Variants in SYNE1 observed in about 807,000 individuals in gnomAD.
SYNE1 encodes the protein nesprin-1.
Under a neutral mutation model 1,111.0 loss-of-function variants are expected in SYNE1, and 616 were observed. That is an observed-to-expected ratio of 0.55 (90% CI 0.52 to 0.59). SYNE1 has a LOEUF of 0.59. SYNE1 is among the 20% of genes least tolerant of loss of function. The pLI is 0.00. For synonymous variants in SYNE1, 3,855 were observed against 3,825.8 expected, an observed-to-expected ratio of 1.01 and a Z score of -0.28; for missense variants, 10,006 against 10,417.0, an observed-to-expected ratio of 0.96 and a Z score of 1.72.
intron 59 of SYNE1, among the ~76,000 whole-genome samples, chr6:152,369,982 CAAA>C (rs778013525): frequency 1.8e-4 from 9 of 49,980 alleles, no homozygotes; most frequent in African/African-American, 4.2e-4. Context: ...GACTCTGTCT[CAAA>C]AAAAAAAAAA....
In SYNE1 at chr6:152,593,510, A is replaced by G. The variant is rs571645576; in HGVS notation, c.67+34755T>C. ...GGCAGGAGAATGGCGTGAATCCGGG[A>G]GGCAGAGCTTATAGTGAGCTGAGAT... On this transcript the variant is annotated intron_variant, in intron 3 of 145. Coordinates refer to ENST00000367255, the MANE Select transcript of SYNE1 (RefSeq NM_182961.4). 2.3e-3 allele frequency among the ~76,000 whole-genome samples: 354 copies of G among 152,206 alleles called. 2 individuals carry two copies. Among genetic ancestry groups the G allele is most frequent in the African/African-American group, 8.2e-3 (341 of 41,542 alleles).
chr6:152,460,550 T>G (rs2098725794), intron 21 of SYNE1, among the ~76,000 whole-genome samples: 1 of 152,128 alleles, frequency 6.6e-6, no homozygotes, highest in African/African-American at 2.4e-5. Flanking sequence ...GTTTTCCCAT[T>G]CTTCATTTTA....
chr6:152,136,482 A>T (rs908805427), intron 141 of SYNE1, 136 bp downstream of exon 141: 4 of 1,054,170 alleles, frequency 3.8e-6, no homozygotes, highest in African/African-American at 3.1e-5. Context: ...AAGTTTGGGC[A>T]CAAGGTTATC....
intron 45 of SYNE1, among the ~76,000 whole-genome samples, chr6:152,405,285 A>T (rs1254532970): frequency 1.3e-5 from 2 of 152,200 alleles, no homozygotes; most frequent in East Asian, 3.9e-4. Context: ...ATATTGAATC[A>T]TTGGATTTCT....
chr6:152,321,591 T>C (rs2095869846), intron 83 of SYNE1, 130 bp downstream of exon 83: 1 of 1,301,280 alleles, frequency 7.7e-7, no homozygotes, highest in Non-Finnish European at 1.1e-6. Context: ...ATACTAAATA[T>C]CTTTTATATA....
intron 46 of SYNE1, among the ~76,000 whole-genome samples, chr6:152,402,956 T>C (rs763180408): frequency 5.9e-5 from 9 of 152,196 alleles, no homozygotes; most frequent in Non-Finnish European, 1.2e-4. Context: ...TGTGTCTTCT[T>C]ACTTCACACG....
intron 127 of SYNE1, among the ~76,000 whole-genome samples, chr6:152,199,127 G>T (rs1352687251): frequency 2.0e-5 from 3 of 152,022 alleles, no homozygotes; most frequent in African/African-American, 7.2e-5. Context: ...TTCTGATAAA[G>T]TATGATTGCC....
chr6:152,152,424 T>C (rs1022153666), intron 133 of SYNE1, among the ~76,000 whole-genome samples: 3 of 152,030 alleles, frequency 2.0e-5, no homozygotes, highest in African/African-American at 4.8e-5. Flanking sequence ...CACACATACA[T>C]ACACACACAT....
chr6:152,431,897 T>C (rs538265858), intron 34 of SYNE1, among the ~76,000 whole-genome samples: 54 of 152,302 alleles, frequency 3.5e-4, no homozygotes, highest in African/African-American at 1.1e-3. Context: ...TTTAAGATTA[T>C]ATTTTTTAGA....
Position 152,232,175 on chromosome 6 carries a change from C to A in SYNE1, c.20803G>T (p.Asp6935Tyr). ...LMENVIQKDE[D>Y]NIKNSIGYKA... is the part of the protein sequence containing the mutation. Reference sequence around the variant, plus strand: ...TAACCTATGGAATTTTTAATATTATCTTCATCCTTCTGAATAACATTTTCC... The same window carrying A: ...TAACCTATGGAATTTTTAATATTATATTCATCCTTCTGAATAACATTTTCC... Residue 6935 changes from aspartate (D) to tyrosine (Y), a missense_variant, in exon 113 of 146, where the codon GAT (aspartate) becomes TAT (tyrosine). Coordinates refer to ENST00000367255, the MANE Select transcript of SYNE1 (RefSeq NM_182961.4). 2 of 1,608,938 alleles carry A rather than the reference C, an allele frequency of 1.2e-6. No individual in the cohort carries two copies. The highest frequency in any genetic ancestry group is 1.7e-6 in the Non-Finnish European group (2 of 1,175,430).
chr6:152,148,402 C>A lies in SYNE1; in HGVS notation c.24643-24G>T, dbSNP rs1179892977. ...AGCTAGAAGGGAAGTCAAGGCAACC[C>A]TGTCACTGTAGTGGTCAGACTAGCT... On this transcript the variant is annotated intron_variant, in intron 136 of 145. Coordinates refer to ENST00000367255, the MANE Select transcript of SYNE1 (RefSeq NM_182961.4). This position sits in a 1 kb window ranked among gnomAD's most constrained non-coding sequence, Gnocchi z 4.1. 6.2e-7 allele frequency: 1 copy of A among 1,608,012 alleles called. No homozygotes were observed. Among genetic ancestry groups the A allele is most frequent in the South Asian group, 1.1e-5 (1 of 90,250 alleles).
At chr6:152,250,253 C>T (rs937004065) in intron 104 of SYNE1, among the ~76,000 whole-genome samples, 4 of 142,820 alleles carry the variant, frequency 2.8e-5, no homozygotes, top group Non-Finnish European at 6.1e-5. Flanking sequence ...GACTTTATCT[C>T]AAAAAAAAAA....
intron 56 of SYNE1, 53 bp from the exon 57 acceptor site, chr6:152,376,965 A>G: frequency 1.3e-6 from 2 of 1,599,930 alleles, no homozygotes; most frequent in Admixed American, 1.7e-5. Flanking sequence ...GGTGATCTCC[A>G]TATCTTCACA....
intron 16 of SYNE1, 104 bp from the exon 17 acceptor site, chr6:152,466,182 G>C: frequency 1.4e-6 from 1 of 694,024 alleles, no homozygotes; most frequent in Non-Finnish European, 2.6e-6. Flanking sequence ...ACCCAAATTT[G>C]TTAATCTCAG....
At chr6:152,186,308 G>C (rs1329815714) in intron 128 of SYNE1, among the ~76,000 whole-genome samples, 1 of 152,122 alleles carries the variant, frequency 6.6e-6, no homozygotes, top group African/African-American at 2.4e-5. Flanking sequence ...TGTCATCTCA[G>C]CACTTTGGGA....
Position 152,133,261 on chromosome 6 carries a change from C to T in SYNE1, c.26001+15G>A, listed in dbSNP as rs760367204. 5.6e-6 allele frequency: 9 copies of T among 1,611,206 alleles called. No individual in the cohort carries two copies. The highest frequency in any genetic ancestry group is 7.6e-6 in the Non-Finnish European group (9 of 1,177,426). On this transcript the variant is annotated intron_variant, in intron 143 of 145. Transcript: ENST00000367255. ...AGTAAGAAATGCTACACGATGATGT[C>T]TGTTTATTGCTTACCTGCTGACTAC...
intron 12 of SYNE1, among the ~76,000 whole-genome samples, chr6:152,486,466 T>C (rs2098941089): frequency 6.6e-6 from 1 of 152,260 alleles, no homozygotes; most frequent in African/African-American, 2.4e-5. Flanking sequence ...TTCTGTTTTC[T>C]GTTTTCCTAA....
At chr6:152,528,835 ACT>A (rs1256196882) in intron 4 of SYNE1, among the ~76,000 whole-genome samples, 1 of 152,202 alleles carries the variant, frequency 6.6e-6, no homozygotes, top group Non-Finnish European at 1.5e-5. Flanking sequence ...ATCAGTCAGT[ACT>A]TTTTCTATTG....
At chr6:152,537,097 T>C (rs1379212980) in intron 4 of SYNE1, among the ~76,000 whole-genome samples, 2 of 152,090 alleles carry the variant, frequency 1.3e-5, no homozygotes, top group African/African-American at 4.8e-5. Flanking sequence ...GCTAACAGAA[T>C]AGAAAGATAC....
Sources: gnomAD v4.1 joint callset for allele counts (sites outside exome capture counted in the v4.1 genomes callset) on GRCh38, gnomAD v4.1.1 for gene constraint, Gnocchi (gnomAD v3.1) non-coding constraint, MANE v1.5 for transcripts, NCBI Gene and HGNC (gene_info 2026-07-23, HGNC 2026-07-21) for gene names.